The following FAM135B variants were observed in gnomAD, a reference collection of about 807,000 sequenced individuals.
FAM135B encodes the protein family with sequence similarity 135 member B, also known as protein FAM135B.
A neutral mutation model predicts 127.7 loss-of-function variants in FAM135B; 43 were observed. The ratio of observed to expected loss-of-function variants is 0.34; its 90% confidence interval spans 0.26 to 0.43. The LOEUF (loss-of-function observed/expected upper bound fraction) is 0.43. Among genes scored for constraint, FAM135B ranks in the 20% least tolerant of loss-of-function variants. The pLI is 1.00. For synonymous variants in FAM135B, 670 were observed against 665.1 expected (o/e 1.01, Z -0.11); for missense variants, 1,558 against 1,725.6 (o/e 0.90, Z 1.72).
At chr8:138,341,575 A>T (rs1411849311) in intron 2 of FAM135B, among the ~76,000 whole-genome samples, 4 of 152,158 alleles carry the variant, frequency 2.6e-5, no homozygotes, top group African/African-American at 7.2e-5. Flanking sequence ...GGCTAAAATG[A>T]TTTATTTTAT....
chr8:138,151,707 A>T lies in FAM135B; in HGVS notation c.2768T>A (p.Ile923Asn), dbSNP rs779163726. ...VGQQALSNSG[I>N]SEVEGLSQHQ... Reference sequence around the variant, plus strand: ...TTGAGAGAGACCCTCAACCTCTGAGATGCCACTGTTGGAAAGAGCTTGCTG... The same window carrying T: ...TTGAGAGAGACCCTCAACCTCTGAGTTGCCACTGTTGGAAAGAGCTTGCTG... Residue 923 changes from isoleucine to asparagine, a missense_variant, in exon 13 of 20, where the codon ATC becomes AAC. Around this residue, in one of 5 missense-constraint regions of FAM135B, gnomAD observed 923 missense variants for 865.3 expected, o/e 1.07. Coordinates refer to ENST00000395297, the MANE Select transcript of FAM135B (RefSeq NM_015912.4). 6.2e-7 allele frequency: 1 copy of T among 1,614,194 alleles called. No homozygotes were observed. Among genetic ancestry groups the T allele is most frequent in the South Asian group, 1.1e-5 (1 of 91,076 alleles).
chr8:138,150,662 G>A (rs1818055105), intron 13 of FAM135B, among the ~76,000 whole-genome samples: 5 of 133,898 alleles, frequency 3.7e-5, no homozygotes, highest in Admixed American at 3.0e-4. Context: ...GTGAGACTCT[G>A]TCTCAATAAA....
chr8:138,250,301 C>T (rs760807848), intron 6 of FAM135B, among the ~76,000 whole-genome samples: 16 of 152,114 alleles, frequency 1.1e-4, no homozygotes, highest in Admixed American at 6.6e-4. Context: ...TGCAGCAAGC[C>T]GAGGTGGTGC....
At chr8:138,384,307 T>C (rs1331107735) in intron 1 of FAM135B, among the ~76,000 whole-genome samples, 1 of 152,220 alleles carries the variant, frequency 6.6e-6, no homozygotes, top group Non-Finnish European at 1.5e-5. Flanking sequence ...TCTGGGAGGC[T>C]AGTGGTTGCC....
intron 6 of FAM135B, among the ~76,000 whole-genome samples, chr8:138,249,043 C>A (rs767453277): frequency 7.9e-5 from 12 of 152,058 alleles, no homozygotes; most frequent in Non-Finnish European, 1.5e-4. Flanking sequence ...GAAGCTCTGC[C>A]TTTCCTACCC....
intron 1 of FAM135B, among the ~76,000 whole-genome samples, chr8:138,475,858 T>G (rs1332204770): frequency 1.3e-5 from 2 of 152,192 alleles, no homozygotes; most frequent in African/African-American, 4.8e-5. Context: ...AATCATGCCC[T>G]TTGCATTTAC....
At chr8:138,252,529 T>C (rs1387777036) in intron 5 of FAM135B, among the ~76,000 whole-genome samples, 4 of 152,048 alleles carry the variant, frequency 2.6e-5, no homozygotes, top group Admixed American at 1.3e-4. Context: ...GCCACATTAG[T>C]AAGAGTAAAG....
rs1587269916 is a variant in FAM135B at position 138,372,605 on chromosome 8, A to T, written c.-19-4603T>A. Reference sequence around the variant, plus strand: ...TTTGTAAAGTGAGGACAATAATAATACCTACTTCCTGGAGTACTGCAATAA... The same window carrying T: ...TTTGTAAAGTGAGGACAATAATAATTCCTACTTCCTGGAGTACTGCAATAA... On this transcript the variant is annotated intron_variant, in intron 1 of 19. Coordinates refer to ENST00000395297, the MANE Select transcript of FAM135B (RefSeq NM_015912.4). 5.3e-5 allele frequency among the ~76,000 whole-genome samples: 8 copies of T among 152,322 alleles called. 1 individual carries two copies. The South Asian group carries it at 1.7e-3, about 32-fold the overall frequency.
chr8:138,188,382 T>C (rs1357944167), intron 9 of FAM135B, among the ~76,000 whole-genome samples: 1 of 152,128 alleles, frequency 6.6e-6, no homozygotes, highest in East Asian at 1.9e-4. Flanking sequence ...CCCTAACCAG[T>C]GGGATCTAAT....
At chr8:138,229,995 C>G (rs1465955428) in intron 7 of FAM135B, among the ~76,000 whole-genome samples, 1 of 152,142 alleles carries the variant, frequency 6.6e-6, no homozygotes, top group Non-Finnish European at 1.5e-5. Flanking sequence ...GACACACAGC[C>G]AAACCATAGA....
At chr8:138,248,819 G>C (rs1397726993) in intron 6 of FAM135B, among the ~76,000 whole-genome samples, 1 of 38,978 alleles carries the variant, frequency 2.6e-5, no homozygotes, top group Admixed American at 2.2e-4. Flanking sequence ...GTGAGACGCT[G>C]TCTCAAAAAA....
intron 2 of FAM135B, among the ~76,000 whole-genome samples, chr8:138,332,612 C>T (rs933310332): frequency 1.3e-5 from 2 of 151,962 alleles, no homozygotes; most frequent in African/African-American, 4.8e-5. Flanking sequence ...GATGATGAGG[C>T]TCCCCACTGT....
At chr8:138,207,948 G>T (rs890727558) in intron 7 of FAM135B, among the ~76,000 whole-genome samples, 1 of 152,178 alleles carries the variant, frequency 6.6e-6, no homozygotes, top group African/African-American at 2.4e-5. Context: ...GTATCTTTTT[G>T]CCCAAAGACA....
rs773916543 is a variant in FAM135B, at chr8:138,265,820, G to A, written c.180C>T (p.Ala60=). The change falls in exon 4 of 20, where the codon GCC becomes GCT. Residue 60 remains alanine (A), a synonymous_variant. Transcript: ENST00000395297. ...TGTGCACGGTGCTGTCATGGACACA[G>A]GCTGAATGCAGGCTGCTGCTCTCTG... ...GQTESSSLHS[A]CVHDSTVHSR... The A allele has an allele frequency of 1.9e-6, 3 of 1,613,788 alleles. No homozygotes were observed. Among genetic ancestry groups the A allele is most frequent in the African/African-American group, 1.3e-5 (1 of 74,910 alleles).
In FAM135B at chr8:138,130,533, T is replaced by C. The variant is rs1816127373; in HGVS notation, c.*2060A>G. 6.6e-6 allele frequency: 1 copy of C among 152,152 alleles called. No homozygotes were observed. Among genetic ancestry groups the C allele is most frequent in the Non-Finnish European group, 1.5e-5 (1 of 68,046 alleles). 9.4% of individuals were successfully genotyped at this position (152,152 alleles called of 1,614,324 possible). ...GATCATCAGATTCATCCCGGCTCCA[T>C]AACCGCGGGCTACACAGTCTTTCAA... On this transcript the variant is annotated 3_prime_UTR_variant, in exon 20 of 20. Coordinates refer to ENST00000395297, the MANE Select transcript of FAM135B (RefSeq NM_015912.4).
At chr8:138,361,099 T>C (rs1167095662) in intron 2 of FAM135B, among the ~76,000 whole-genome samples, 3 of 152,154 alleles carry the variant, frequency 2.0e-5, no homozygotes, top group African/African-American at 7.2e-5. Flanking sequence ...CTAATTTTTT[T>C]GTATTTTTAG....
In FAM135B at chr8:138,259,483, G is replaced by A. The variant is rs540560876; in HGVS notation, c.298-2724C>T. Among the ~76,000 whole-genome samples the A allele has an allele frequency of 3.0e-4, 46 of 152,096 alleles. 1 individual carries two copies. The highest frequency in any genetic ancestry group is 8.8e-5 in the Non-Finnish European group (6 of 68,022). ...ATCGTGTGAACTAAAATTTAAAAAC[G>A]TACACAAAGGGCTTTGTTCACAACT... On this transcript the variant is annotated intron_variant, in intron 4 of 19. Coordinates refer to ENST00000395297, the MANE Select transcript of FAM135B (RefSeq NM_015912.4).
In FAM135B at chr8:138,407,747, G is replaced by A. The variant is rs199918124; in HGVS notation, c.-19-39745C>T. ...TGGATCCCTTCCTTACACCTTATAC[G>A]AAAATTAATTCAAGATGGATTAAAG... On this transcript the variant is annotated intron_variant, in intron 1 of 19. Coordinates refer to ENST00000395297, the MANE Select transcript of FAM135B (RefSeq NM_015912.4). Among the ~76,000 whole-genome samples, 370 of 152,174 alleles carry A rather than the reference G, an allele frequency of 2.4e-3. 1 individual carries two copies. The highest frequency in any genetic ancestry group is 8.4e-3 in the African/African-American group (347 of 41,510).
intron 2 of FAM135B, among the ~76,000 whole-genome samples, chr8:138,312,515 A>AAGCT (rs1344103722): frequency 6.6e-6 from 1 of 152,196 alleles, no homozygotes; most frequent in Non-Finnish European, 1.5e-5. Context: ...GAAGCCAGAA[A>AAGCT]AGCTAATAGC....
Sources: gnomAD v4.1 joint callset for allele counts (sites outside exome capture counted in the v4.1 genomes callset) on GRCh38, gnomAD v4.1.1 for gene constraint, gnomAD v4.1.1 regional missense constraint, MANE v1.5 for transcripts, NCBI Gene and HGNC (gene_info 2026-07-23, HGNC 2026-07-21) for gene names.